DPH6: variants seen among roughly 807,000 people sequenced by gnomAD.
DPH6 encodes the protein diphthamine biosynthesis 6.
DPH6 carries 33 observed loss-of-function variants against 38.2 expected under a neutral mutation model. The ratio of observed to expected loss-of-function variants is 0.86; its 90% CI spans 0.65 to 1.15. The LOEUF is 1.15. DPH6 is among the 50% of genes most tolerant of loss of function. DPH6 has a pLI of 0.00. For synonymous variants in DPH6, 108 were observed against 103.0 expected (o/e 1.05, Z -0.30); for missense variants, 325 against 320.0 (o/e 1.02, Z -0.12).
chr15:35,508,085 T>TG (rs1256134470), intron 3 of DPH6, among the ~76,000 whole-genome samples: 2 of 152,102 alleles, frequency 1.3e-5, no homozygotes, highest in African/African-American at 4.8e-5. Context: ...GCAGGAGGAC[T>TG]GTGCAGCCCC....
intron 5 of DPH6, among the ~76,000 whole-genome samples, chr15:35,426,909 T>C (rs1210967720): frequency 6.6e-6 from 1 of 150,798 alleles, no homozygotes; most frequent in Non-Finnish European, 1.5e-5. Flanking sequence ...TAGAGACATT[T>C]ATGAACACGT....
intron 3 of DPH6, among the ~76,000 whole-genome samples, chr15:35,305,511 G>A (rs536419320): frequency 2.0e-5 from 3 of 151,574 alleles, no homozygotes; most frequent in Non-Finnish European, 4.4e-5. Flanking sequence ...TACCAATTTA[G>A]GAAGTTCATA....
chr15:35,409,120 A>C (rs1379937294), intron 6 of DPH6, among the ~76,000 whole-genome samples: 1 of 151,884 alleles, frequency 6.6e-6, no homozygotes, highest in Non-Finnish European at 1.5e-5. Context: ...TAAATAGGAA[A>C]GAACACTTCT....
chr15:35,428,184 T>A (rs1029259524), intron 5 of DPH6, among the ~76,000 whole-genome samples: 7 of 152,104 alleles, frequency 4.6e-5, no homozygotes, highest in Non-Finnish European at 8.8e-5. Flanking sequence ...ACAGTTTTTT[T>A]ATGTATTTAA....
chr15:35,333,329 A>G (rs1177757550), intron 3 of DPH6, among the ~76,000 whole-genome samples: 1 of 152,172 alleles, frequency 6.6e-6, no homozygotes, highest in Non-Finnish European at 1.5e-5. Context: ...AAAGTATTAT[A>G]CTACAAAAGG....
intron 3 of DPH6, among the ~76,000 whole-genome samples, chr15:35,338,133 C>T (rs1371604686): frequency 4.6e-5 from 7 of 152,072 alleles, no homozygotes; most frequent in African/African-American, 9.7e-5. Context: ...AAGGACTTCA[C>T]ATCTAAAACA....
intron 3 of DPH6, among the ~76,000 whole-genome samples, chr15:35,338,659 T>G (rs925456484): frequency 6.6e-6 from 1 of 152,176 alleles, no homozygotes; most frequent in African/African-American, 2.4e-5. Flanking sequence ...AAATACCATT[T>G]GACCCAGCCA....
intron 7 of DPH6, among the ~76,000 whole-genome samples, chr15:35,376,110 C>A (rs571704764): frequency 1.8e-4 from 27 of 152,228 alleles, no homozygotes; most frequent in African/African-American, 6.5e-4. Context: ...CCTTTCATAA[C>A]ACATCCACTA....
chr15:35,509,068 A>G (rs958058392), intron 3 of DPH6, among the ~76,000 whole-genome samples: 2 of 152,182 alleles, frequency 1.3e-5, no homozygotes, highest in African/African-American at 2.4e-5. Context: ...GTAATTTCAC[A>G]GTTTTGTGAT....
chr15:35,324,704 A>G (rs1490806782), intron 3 of DPH6, among the ~76,000 whole-genome samples: 1 of 152,162 alleles, frequency 6.6e-6, no homozygotes, highest in Non-Finnish European at 1.5e-5. Context: ...ATAATTACCA[A>G]AATTGAAGGA....
Position 35,450,781 on chromosome 15 carries a change from G to A in DPH6, c.409C>T (p.Pro137Ser). ...TTTCTCTGCCAAAGATAAGCTAAAGGCTGGAGATTAAGCCTTTTACACCTA... is the reference window on the plus strand; with the variant it reads ...TTTCTCTGCCAAAGATAAGCTAAAGACTGGAGATTAAGCCTTTTACACCTA... ...ENVCKRLNLQ[P>S]LAYLWQRNQE... The change falls in exon 5 of 9, where the codon CCT becomes TCT. Residue 137 changes from proline (P) to serine (S), a missense_variant. Physicochemically the swap from Pro to Ser is moderately conservative, Grantham distance 74. Transcript: ENST00000256538. 1 of 1,610,526 alleles carries A rather than the reference G, an allele frequency of 6.2e-7. No individual in the cohort carries two copies.
the DPH6 span, among the ~76,000 whole-genome samples, chr15:35,187,764 T>C: frequency 0.069 from 10,557 of 152,184 alleles, 521 homozygotes; most frequent in East Asian, 0.3. Flanking sequence ...GGTGGGAGGA[T>C]TGATTGAGCC....
chr15:35,327,621 T>C (rs536641668), downstream of DPH6, among the ~76,000 whole-genome samples: 29 of 152,222 alleles, frequency 1.9e-4, no homozygotes, highest in African/African-American at 6.7e-4. Flanking sequence ...CCACCGTGCC[T>C]GGCCTCTAGA....
intron 5 of DPH6, among the ~76,000 whole-genome samples, chr15:35,446,137 A>C (rs1362980316): frequency 6.6e-6 from 1 of 152,152 alleles, no homozygotes; most frequent in East Asian, 1.9e-4. Flanking sequence ...AATTTCAGAC[A>C]ATGATTCATT....
chr15:35,379,398 T>C (rs776432248), intron 7 of DPH6, among the ~76,000 whole-genome samples: 2 of 152,216 alleles, frequency 1.3e-5, no homozygotes, highest in Non-Finnish European at 2.9e-5. Context: ...AATTATTACA[T>C]CAAATATAAC....
chr15:35,190,014 T>C, the DPH6 span, among the ~76,000 whole-genome samples: 1 of 152,170 alleles, frequency 6.6e-6, no homozygotes, highest in Non-Finnish European at 1.5e-5. Flanking sequence ...TAATAGATAA[T>C]AAAATTTCAG....
intron 3 of DPH6, among the ~76,000 whole-genome samples, chr15:35,526,909 A>C (rs1436836110): frequency 6.6e-6 from 1 of 152,158 alleles, no homozygotes; most frequent in African/African-American, 2.4e-5. Flanking sequence ...AGAAAGCATT[A>C]ATTCTACATG....
At chr15:35,445,536 C>G (rs973669420) in intron 5 of DPH6, among the ~76,000 whole-genome samples, 4 of 151,194 alleles carry the variant, frequency 2.6e-5, no homozygotes, top group African/African-American at 7.3e-5. Context: ...TTTGAAAAAA[C>G]TCAACATATG....
At position 35,224,034 on chromosome 15, in the gene DPH6, G is replaced by A. The variant is rs1425799086; in HGVS notation, n.201-3452C>T. On this transcript the variant is annotated intron_variant and non_coding_transcript_variant, in intron 3 of 3. Transcript: ENST00000560386. ...AACCATATAGCATGTAGCCTTTTCA[G>A]ATAATCTTCTTTTAATTAGCAATAT... Among the ~76,000 whole-genome samples, 10 of 149,524 alleles carry A rather than the reference G, an allele frequency of 6.7e-5. 1 individual carries two copies. The South Asian group carries it at 2.1e-3, about 32-fold the overall frequency.
Sources: allele counts gnomAD v4.1 joint callset (sites outside exome capture counted in the v4.1 genomes callset), GRCh38; gene constraint gnomAD v4.1.1; transcripts MANE v1.5; gene names NCBI Gene and HGNC (gene_info 2026-07-23, HGNC 2026-07-21).